Variants in PTPRT observed in about 807,000 individuals in gnomAD.
PTPRT encodes the protein protein tyrosine phosphatase receptor type T.
In PTPRT, 56 loss-of-function variants were observed where a neutral mutation model predicts 176.8. That is an observed-to-expected ratio of 0.32 (90% CI 0.26 to 0.40). PTPRT has a LOEUF of 0.40. PTPRT is among the 10% of genes least tolerant of loss of function. PTPRT has a pLI of 1.00. For synonymous variants in PTPRT, 783 were observed against 739.0 expected (o/e 1.06, Z -0.96); for missense variants, 1,540 against 1,908.2 (o/e 0.81, Z 3.60).
intron 1 of PTPRT, among the ~76,000 whole-genome samples, chr20:42,911,138 C>A (rs977701277): frequency 6.6e-6 from 1 of 152,046 alleles, no homozygotes; most frequent in African/African-American, 2.4e-5. Context: ...GGTCACAAAG[C>A]CTAACCATAG....
chr20:42,851,731 G>A lies in PTPRT; in HGVS notation c.214+34076C>T, dbSNP rs573656719. On this transcript the variant is annotated intron_variant, in intron 2 of 30. Coordinates refer to ENST00000373187, the MANE Select transcript of PTPRT (RefSeq NM_007050.6). ...GCAACTACTCAGTTCTGCCATGGTG[G>A]TGCAACAGCAGCCGCAAGCAATACG... Among the ~76,000 whole-genome samples, 5 of 152,290 alleles carry A rather than the reference G, an allele frequency of 3.3e-5. No homozygotes were observed. In the South Asian group the frequency reaches 1.0e-3, roughly 32 times the overall value.
intron 1 of PTPRT, among the ~76,000 whole-genome samples, chr20:42,957,249 C>A (rs534209586): frequency 6.6e-6 from 1 of 152,128 alleles, no homozygotes; most frequent in African/African-American, 2.4e-5. Flanking sequence ...AGTGGCAGTA[C>A]GCAGCAGTAC....
At chr20:42,753,428 G>A (rs1040163946) in intron 6 of PTPRT, among the ~76,000 whole-genome samples, 1 of 152,122 alleles carries the variant, frequency 6.6e-6, no homozygotes, top group Non-Finnish European at 1.5e-5. Context: ...GAGGAAAAAT[G>A]GGCACTAAAA....
intron 12 of PTPRT, among the ~76,000 whole-genome samples, chr20:42,284,129 A>G (rs1418781896): frequency 6.6e-6 from 1 of 152,054 alleles, no homozygotes; most frequent in Non-Finnish European, 1.5e-5. Context: ...ACTCCACTTT[A>G]TCCTATTAAT....
At chr20:42,348,788 T>G (rs934073642) in intron 11 of PTPRT, among the ~76,000 whole-genome samples, 1 of 152,144 alleles carries the variant, frequency 6.6e-6, no homozygotes, top group Non-Finnish European at 1.5e-5. Flanking sequence ...GCCTGCTTGA[T>G]TTTTGAGTCC....
chr20:42,159,363 G>T (rs1989488926), intron 17 of PTPRT, among the ~76,000 whole-genome samples: 1 of 151,168 alleles, frequency 6.6e-6, no homozygotes, highest in Non-Finnish European at 1.5e-5. Flanking sequence ...TGAAGGCCAT[G>T]CTGTCTATAG....
chr20:42,853,624 G>A (rs2078513428), intron 2 of PTPRT, among the ~76,000 whole-genome samples: 1 of 152,152 alleles, frequency 6.6e-6, no homozygotes, highest in African/African-American at 2.4e-5. Context: ...CGAACGATTG[G>A]ATTAAGCTTG....
chr20:42,781,364 A>T (rs1248919781), intron 3 of PTPRT, among the ~76,000 whole-genome samples: 1 of 152,084 alleles, frequency 6.6e-6, no homozygotes, highest in Admixed American at 6.6e-5. Flanking sequence ...AGACACCCAC[A>T]TCTTCAAGAG....
intron 13 of PTPRT, among the ~76,000 whole-genome samples, chr20:42,275,519 C>G (rs1173264237): frequency 2.0e-5 from 3 of 152,028 alleles, no homozygotes; most frequent in Non-Finnish European, 4.4e-5. Context: ...ACTTGTTTTT[C>G]TGAACTCTAT....
chr20:42,754,508 G>C (rs919334031), intron 6 of PTPRT, among the ~76,000 whole-genome samples: 1 of 151,846 alleles, frequency 6.6e-6, no homozygotes, highest in East Asian at 1.9e-4. Flanking sequence ...CGAACTCCTG[G>C]CCTCAGGTGA....
rs566106803 is a variant in PTPRT, at chr20:42,315,602, G to A, written c.2139+121C>T. ...TATTTTTTTAATTTAAAGGCATGAG[G>A]TAGGATTTGCCCCACGGGCCTTAGT... On this transcript the variant is annotated intron_variant, in intron 12 of 30. Coordinates refer to ENST00000373187, the MANE Select transcript of PTPRT (RefSeq NM_007050.6). 122 of 1,153,208 alleles carry A rather than the reference G, an allele frequency of 1.1e-4. No individual in the cohort carries two copies. In the African/African-American group the frequency reaches 1.8e-3, roughly 17 times the overall value. 71.4% of individuals were successfully genotyped at this position (1,153,208 alleles called of 1,614,324 possible).
At chr20:42,486,349 AT>A (rs1453993762) in intron 7 of PTPRT, among the ~76,000 whole-genome samples, 1 of 152,208 alleles carries the variant, frequency 6.6e-6, no homozygotes, top group African/African-American at 2.4e-5. Flanking sequence ...CTCTCCTTAA[AT>A]GTCATCAGTC....
chr20:42,204,566 C>A (rs2055404086), intron 15 of PTPRT, among the ~76,000 whole-genome samples: 1 of 152,198 alleles, frequency 6.6e-6, no homozygotes, highest in Non-Finnish European at 1.5e-5. Context: ...ACACAGCAAT[C>A]CAAAGTTTAC....
At chr20:42,771,945 G>C (rs2077069073) in intron 4 of PTPRT, among the ~76,000 whole-genome samples, 1 of 152,174 alleles carries the variant, frequency 6.6e-6, no homozygotes, top group African/African-American at 2.4e-5. Context: ...ATTGCTTCTG[G>C]GGTTGGCATT....
chr20:42,745,650 C>G (rs2076681242), intron 6 of PTPRT, among the ~76,000 whole-genome samples: 1 of 152,254 alleles, frequency 6.6e-6, no homozygotes, highest in Non-Finnish European at 1.5e-5. Context: ...TCTTACTAAA[C>G]TGGAGCCCAT....
chr20:42,840,019 A>T (rs1032816746), intron 2 of PTPRT, among the ~76,000 whole-genome samples: 3 of 152,158 alleles, frequency 2.0e-5, no homozygotes, highest in African/African-American at 7.2e-5. Context: ...AGTACCACAA[A>T]CTGGGTGACT....
At chr20:43,114,580 G>A (rs565088964) in intron 1 of PTPRT, among the ~76,000 whole-genome samples, 1 of 152,314 alleles carries the variant, frequency 6.6e-6, no homozygotes, top group African/African-American at 2.4e-5. Context: ...TAGAGTTTGA[G>A]ACACTGCAAG....
At chr20:42,561,692 G>A (rs1455026677) in intron 7 of PTPRT, among the ~76,000 whole-genome samples, 3 of 152,220 alleles carry the variant, frequency 2.0e-5, no homozygotes, top group African/African-American at 7.2e-5. Context: ...CCTTTGCCAA[G>A]CTAGATGTGC....
At chr20:42,752,884 G>T (rs888199797) in intron 6 of PTPRT, among the ~76,000 whole-genome samples, 1 of 152,112 alleles carries the variant, frequency 6.6e-6, no homozygotes, top group Non-Finnish European at 1.5e-5. Context: ...AGGGTGACAG[G>T]TTTCCTCTGG....
Sources: allele counts gnomAD v4.1 joint callset (sites outside exome capture counted in the v4.1 genomes callset), GRCh38; gene constraint gnomAD v4.1.1; transcripts MANE v1.5; gene names NCBI Gene and HGNC (gene_info 2026-07-23, HGNC 2026-07-21).